The following TSFM variants were observed in gnomAD, a reference collection of about 807,000 sequenced individuals.
TSFM encodes elongation factor Ts, mitochondrial.
Under a neutral mutation model 33.4 loss-of-function variants are expected in TSFM, and 29 were observed. The ratio of observed to expected loss-of-function variants is 0.87; its 90% CI spans 0.65 to 1.18. The LOEUF (loss-of-function observed/expected upper bound fraction) is 1.18. Among genes scored for constraint, TSFM ranks in the 50% most tolerant of loss-of-function variants. TSFM has a pLI of 0.00. For synonymous variants in TSFM, 178 were observed against 163.5 expected (o/e 1.09, Z -0.68); for missense variants, 394 against 395.6 (o/e 1.00, Z 0.04).
chr12:57,796,848 AT>A lies in TSFM; in HGVS notation c.*268del. On this transcript the variant is annotated 3_prime_UTR_variant, in exon 6 of 6. Transcript: ENST00000652027. The stretch of plus-strand genomic sequence containing the variant: ...AATACTGCTGCTCCCTTCAACATAG[AT>A]TTATTATGGTATTTCTGAAATTTCT... 3.6e-6 allele frequency: 4 copies of A among 1,109,840 alleles called. No individual in the cohort carries two copies. Among genetic ancestry groups the A allele is most frequent in the Non-Finnish European group, 4.4e-6 (4 of 912,546 alleles). The allele number at this position is 1,109,840 out of a possible 1,614,324, so 68.7% of individuals were successfully genotyped here. A position where few individuals can be genotyped will look rare whatever the true frequency, so the allele number is the denominator to read the frequency against.
At chr12:57,789,130 T>G (rs1215090458) in intron 4 of TSFM, among the ~76,000 whole-genome samples, 2 of 151,810 alleles carry the variant, frequency 1.3e-5, no homozygotes, top group South Asian at 4.2e-4. Flanking sequence ...CCCGGCTAAT[T>G]TTTTTTGTAT....
chr12:57,796,657 C>T lies in TSFM; in HGVS notation c.*74C>T. On this transcript the variant is annotated 3_prime_UTR_variant, in exon 6 of 6. Coordinates refer to ENST00000652027, the MANE Select transcript of TSFM (RefSeq NM_005726.6). The stretch of plus-strand genomic sequence containing the variant: ...CATCATTACAAAAAGGAATATTTCC[C>T]AAACCTCTTCAGACCGAGAATGCAT... The T allele has an allele frequency of 7.9e-7, 1 of 1,273,520 alleles. No individual in the cohort carries two copies. The highest frequency in any genetic ancestry group is 3.7e-5 in the South Asian group (1 of 26,804). The allele number at this position is 1,273,520 out of a possible 1,614,324, so 78.9% of individuals were successfully genotyped here.
chr12:57,784,654 G>A (rs189004119), intron 2 of TSFM, among the ~76,000 whole-genome samples: 76 of 151,832 alleles, frequency 5.0e-4, no homozygotes, highest in African/African-American at 1.6e-3. Context: ...TGAGGCAAGC[G>A]GATCACCTGA....
chr12:57,797,161 T>C lies in TSFM; in HGVS notation c.*578T>C, dbSNP rs1016101217. 8.1e-6 allele frequency: 8 copies of C among 985,306 alleles called. No homozygotes were observed. Among genetic ancestry groups the C allele is most frequent in the Non-Finnish European group, 8.4e-6 (7 of 829,946 alleles). 61.0% of individuals were successfully genotyped at this position (985,306 alleles called of 1,614,324 possible). On this transcript the variant is annotated 3_prime_UTR_variant, in exon 6 of 6. Coordinates refer to ENST00000652027, the MANE Select transcript of TSFM (RefSeq NM_005726.6). The stretch of plus-strand genomic sequence containing the variant: ...AATAACACATGCCCCTATTTCTCTT[T>C]TGGATGATGTGTGGGTGGGTGGGTA...
In TSFM at chr12:57,796,314, CTGGTCATCT is replaced by C; in HGVS notation, c.710_718del (p.Leu237_Cys240delinsArg). 6.2e-7 allele frequency: 1 copy of C among 1,611,470 alleles called. No individual in the cohort carries two copies. Among genetic ancestry groups the C allele is most frequent in the South Asian group, 1.1e-5 (1 of 90,648 alleles). Reference sequence around the variant, plus strand: ...GCTGGTGCTGGGGAAGTATGGGGCCCTGGTCATCTGTGAGACGTCTGAACAGAAAACAAA... The same window carrying C: ...GCTGGTGCTGGGGAAGTATGGGGCCCGTGAGACGTCTGAACAGAAAACAAA... On this transcript the variant is annotated inframe_deletion, in exon 6 of 6. Transcript: ENST00000652027.
intron 4 of TSFM, among the ~76,000 whole-genome samples, chr12:57,787,920 A>G (rs1955611096): frequency 6.6e-6 from 1 of 151,910 alleles, no homozygotes; most frequent in Non-Finnish European, 1.5e-5. Flanking sequence ...CGTCTCAGAA[A>G]AAAAAAAAGA....
intron 4 of TSFM, 40 bp from the exon 5 acceptor site, chr12:57,792,946 G>A: frequency 6.3e-7 from 1 of 1,582,746 alleles, no homozygotes; most frequent in Non-Finnish European, 8.7e-7. Context: ...AATTTGAATA[G>A]TACAGAATCA....
chr12:57,799,948 G>A, downstream of TSFM: 1 of 1,613,016 alleles, frequency 6.2e-7, no homozygotes, highest in Non-Finnish European at 8.5e-7. Context: ...GTAGGCACAG[G>A]GAAAAGACTC....
intron 2 of TSFM, 92 bp downstream of exon 2, chr12:57,783,375 C>T (rs1955540711): frequency 1.4e-6 from 2 of 1,446,290 alleles, no homozygotes; most frequent in African/African-American, 1.4e-5. Flanking sequence ...TTAGACTGCT[C>T]TTCAGTGACC....
downstream of TSFM, chr12:57,802,394 G>C (rs759514835): frequency 6.4e-7 from 1 of 1,550,638 alleles, no homozygotes; most frequent in South Asian, 1.2e-5. Context: ...TCATACCAAG[G>C]ACTAAGTACT....
chr12:57,782,938 C>G, intron 1 of TSFM, 80 bp downstream of exon 1: 1 of 1,500,016 alleles, frequency 6.7e-7, no homozygotes, highest in South Asian at 1.3e-5. Flanking sequence ...TCCTCCCAAC[C>G]TCGTTTGACT....
At chr12:57,784,889 AAAC>A (rs1407576818) in intron 2 of TSFM, among the ~76,000 whole-genome samples, 21 of 151,782 alleles carry the variant, frequency 1.4e-4, no homozygotes, top group African/African-American at 4.1e-4. Flanking sequence ...TCAAAAAAAA[AAAC>A]AACAACTTTT....
At chr12:57,786,938 G>T in intron 3 of TSFM, 102 bp from the exon 4 acceptor site, 1 of 1,318,720 alleles carries the variant, frequency 7.6e-7, no homozygotes, top group Non-Finnish European at 1.0e-6. Context: ...CGTTGAGTCT[G>T]TAGCTTGTTC....
chr12:57,783,744 C>G, intron 2 of TSFM: 1 of 574,148 alleles, frequency 1.7e-6, no homozygotes, highest in Non-Finnish European at 3.1e-6. Flanking sequence ...CAGGCGTGCG[C>G]CACGACACCC....
chr12:57,796,268 G>C lies in TSFM; in HGVS notation c.663G>C (p.Met221Ile). 6.2e-7 allele frequency: 1 copy of C among 1,613,174 alleles called. No homozygotes were observed. The highest frequency in any genetic ancestry group is 1.1e-5 in the South Asian group (1 of 90,926). The change falls in exon 6 of 6, where the codon ATG becomes ATC. Residue 221 changes from methionine (M) to isoleucine (I), a missense_variant. Physicochemically the swap from Met to Ile is conservative, Grantham distance 10. Around this residue, in one of 3 missense-constraint regions of TSFM, gnomAD observed 186 missense variants for 198.8 expected, o/e 0.94. Coordinates refer to ENST00000652027, the MANE Select transcript of TSFM (RefSeq NM_005726.6). ...FYVGSYVHGA[M>I]QSPSLHKLVL... ...TTGGCTCTTATGTCCACGGAGCAATGCAGAGTCCCTCACTTCACAAGCTGG... is the reference window on the plus strand; with the variant it reads ...TTGGCTCTTATGTCCACGGAGCAATCCAGAGTCCCTCACTTCACAAGCTGG...
rs1329028758 is a variant in TSFM, at chr12:57,782,837, C to T, written c.36C>T (p.Val12=). Residue 12 remains valine, a synonymous_variant, in exon 1 of 6, where the codon GTC becomes GTT. Transcript: ENST00000652027. ...SLLRSLRVFL[V]ARTGSYPAGS... ...TGCGGTCGCTGCGCGTGTTTCTGGTCGCGCGGACCGGGAGCTACCCGGTGA... is the reference window on the plus strand; with the variant it reads ...TGCGGTCGCTGCGCGTGTTTCTGGTTGCGCGGACCGGGAGCTACCCGGTGA... 2 of 1,595,924 alleles carry T rather than the reference C, an allele frequency of 1.3e-6. No individual in the cohort carries two copies. The highest frequency in any genetic ancestry group is 1.7e-6 in the Non-Finnish European group (2 of 1,172,014).
chr12:57,787,264 C>G (rs1240986418), intron 4 of TSFM, 102 bp downstream of exon 4: 7 of 1,195,288 alleles, frequency 5.9e-6, no homozygotes, highest in Non-Finnish European at 8.2e-6. Context: ...TGTTACTTCA[C>G]ATCTCTGCTT....
downstream of TSFM, chr12:57,799,802 T>G (rs1289828949): frequency 8.7e-6 from 14 of 1,613,922 alleles, no homozygotes; most frequent in Non-Finnish European, 1.1e-5. Flanking sequence ...CACCTCCTTT[T>G]TGGCAGGGTT....
At chr12:57,791,958 TG>T in intron 4 of TSFM, 1 of 376,738 alleles carries the variant, frequency 2.7e-6, no homozygotes, top group Non-Finnish European at 5.4e-6. Flanking sequence ...ATATTGTTCT[TG>T]GCCAGGTGCA....
Sources: gnomAD v4.1 joint callset for allele counts (sites outside exome capture counted in the v4.1 genomes callset) on GRCh38, gnomAD v4.1.1 for gene constraint, gnomAD v4.1.1 regional missense constraint, MANE v1.5 for transcripts, NCBI Gene and HGNC (gene_info 2026-07-23, HGNC 2026-07-21) for gene names.